KCNT2: variants seen among roughly 807,000 people sequenced by gnomAD.
KCNT2 encodes the protein potassium sodium-activated channel subfamily T member 2.
In KCNT2, 67 loss-of-function variants were observed where a neutral mutation model predicts 153.8. The ratio of observed to expected loss-of-function variants is 0.44; its 90% CI spans 0.36 to 0.53. KCNT2 has a LOEUF of 0.53. Among genes scored for constraint, KCNT2 ranks in the 20% least tolerant of loss-of-function variants. The pLI is 0.00. For synonymous variants in KCNT2, 500 were observed against 458.8 expected (o/e 1.09, Z -1.15); for missense variants, 975 against 1,354.8 (o/e 0.72, Z 4.40).
intron 1 of KCNT2, among the ~76,000 whole-genome samples, chr1:196,572,887 T>C (rs1289918442): frequency 1.3e-5 from 2 of 152,044 alleles, no homozygotes; most frequent in Non-Finnish European, 2.9e-5. Flanking sequence ...TACCTGCTTC[T>C]CAGAAAACTT....
chr1:196,453,670 A>ATGCCACATCC (rs1676409066), intron 8 of KCNT2, among the ~76,000 whole-genome samples: 1 of 151,930 alleles, frequency 6.6e-6, no homozygotes, highest in Admixed American at 6.6e-5. Context: ...TGCCACATCC[A>ATGCCACATCC]ATGGGGGGAT....
At chr1:196,242,067 T>TAC (rs2102261738) in intron 26 of KCNT2, among the ~76,000 whole-genome samples, 1 of 152,242 alleles carries the variant, frequency 6.6e-6, no homozygotes, top group East Asian at 1.9e-4. Flanking sequence ...TCCCTTACCC[T>TAC]ACCACAATCT....
In KCNT2 at chr1:196,431,646, G is replaced by A. The variant is rs972447048; in HGVS notation, c.639-1889C>T. Among the ~76,000 whole-genome samples, 4 of 152,198 alleles carry A rather than the reference G, an allele frequency of 2.6e-5. No individual in the cohort carries two copies. In the South Asian group the frequency reaches 6.2e-4, roughly 24 times the overall value. On this transcript the variant is annotated intron_variant, in intron 8 of 27. Transcript: ENST00000294725. The stretch of plus-strand genomic sequence containing the variant: ...GTGGAAGGCACAATTTAAAGGTGGT[G>A]AACTAGAATACGTAGCAGAAGAAAT...
rs1344375356 is a variant in KCNT2 at position 196,227,791 on chromosome 1, A to G, written c.*433T>C. 6.5e-6 allele frequency: 1 copy of G among 153,126 alleles called. No individual in the cohort carries two copies. The highest frequency in any genetic ancestry group is 1.5e-5 in the Non-Finnish European group (1 of 68,388). 9.5% of individuals were successfully genotyped at this position (153,126 alleles called of 1,614,324 possible). A position where few individuals can be genotyped will look rare whatever the true frequency, so the allele number is the denominator to read the frequency against. ...AGACTAGACATTTACGATGAGCTCA[A>G]TTTTGTAAAACAGTAAGTTTAAAGA... is the stretch of plus-strand genomic sequence containing the variant. On this transcript the variant is annotated 3_prime_UTR_variant, in exon 28 of 28. Coordinates refer to ENST00000294725, the MANE Select transcript of KCNT2 (RefSeq NM_198503.5).
At chr1:196,377,258 G>A (rs1669048690) in intron 13 of KCNT2, among the ~76,000 whole-genome samples, 1 of 151,936 alleles carries the variant, frequency 6.6e-6, no homozygotes, top group Non-Finnish European at 1.5e-5. Flanking sequence ...TCATCAGATA[G>A]TATGACCAAG....
At chr1:196,235,928 A>G (rs1408555180) in intron 27 of KCNT2, 58 bp downstream of exon 27, 2 of 1,082,318 alleles carry the variant, frequency 1.8e-6, no homozygotes, top group Non-Finnish European at 2.8e-6. Flanking sequence ...ATAAGTACAA[A>G]AATAAATAGT....
In KCNT2 at chr1:196,347,482, C is replaced by T. The variant is rs370771030; in HGVS notation, c.1404-5254G>A. ...CCTTCCTCCATCATCAATTCTTACACCTTTAAAACAGTCCTAACTCACTTC... is the reference window on the plus strand; with the variant it reads ...CCTTCCTCCATCATCAATTCTTACATCTTTAAAACAGTCCTAACTCACTTC... On this transcript the variant is annotated intron_variant, in intron 14 of 27. Transcript: ENST00000294725. Among the ~76,000 whole-genome samples, 10 of 152,300 alleles carry T rather than the reference C, an allele frequency of 6.6e-5. No homozygotes were observed. The East Asian group carries it at 9.7e-4, about 15-fold the overall frequency.
chr1:196,408,493 C>T (rs1432842509), intron 12 of KCNT2, among the ~76,000 whole-genome samples: 1 of 151,596 alleles, frequency 6.6e-6, no homozygotes, highest in Admixed American at 6.6e-5. Context: ...ATTATTGTCT[C>T]CAATTCCTCT....
At chr1:196,473,889 A>C (rs1485862343) in intron 5 of KCNT2, among the ~76,000 whole-genome samples, 1 of 152,156 alleles carries the variant, frequency 6.6e-6, no homozygotes, top group Non-Finnish European at 1.5e-5. Context: ...AAAGGCAAGC[A>C]CAATGCCTTT....
rs567912841 is a variant in KCNT2 at position 196,530,381 on chromosome 1, C to A, written c.96-38040G>T. Among the ~76,000 whole-genome samples the A allele has an allele frequency of 4.0e-5, 6 of 151,744 alleles. No individual in the cohort carries two copies. In the East Asian group the frequency reaches 1.2e-3, roughly 29 times the overall value. On this transcript the variant is annotated intron_variant, in intron 1 of 27. Transcript: ENST00000294725. ...TAGTTAAATATTTTAACTAACTGTT[C>A]AGTAAAAGACATTTAGTTAAATATT...
At chr1:196,533,890 G>A (rs1303133053) in intron 1 of KCNT2, among the ~76,000 whole-genome samples, 1 of 152,154 alleles carries the variant, frequency 6.6e-6, no homozygotes, top group African/African-American at 2.4e-5. Flanking sequence ...GGTATGTTGA[G>A]TGGGTGATAG....
intron 8 of KCNT2, among the ~76,000 whole-genome samples, chr1:196,463,932 T>C (rs1485455206): frequency 6.6e-6 from 1 of 151,860 alleles, no homozygotes; most frequent in African/African-American, 2.4e-5. Flanking sequence ...GTGTCCTTTT[T>C]CTCACACTAA....
At chr1:196,383,389 G>A (rs1452489393) in intron 13 of KCNT2, among the ~76,000 whole-genome samples, 2 of 152,060 alleles carry the variant, frequency 1.3e-5, no homozygotes, top group Non-Finnish European at 2.9e-5. Context: ...ATGTCAAATC[G>A]CTATCAAAAT....
chr1:196,444,797 C>G (rs968341317), intron 8 of KCNT2, among the ~76,000 whole-genome samples: 4 of 151,402 alleles, frequency 2.6e-5, no homozygotes, highest in African/African-American at 9.6e-5. Context: ...TGTTTGAGGT[C>G]ATCAGTAAAT....
intron 14 of KCNT2, among the ~76,000 whole-genome samples, chr1:196,352,411 A>G (rs1363384931): frequency 1.3e-5 from 2 of 151,864 alleles, no homozygotes; most frequent in African/African-American, 4.8e-5. Flanking sequence ...CAGAGATTCA[A>G]CTTCTTCCTG....
At chr1:196,552,684 T>G (rs1658072810) in intron 1 of KCNT2, among the ~76,000 whole-genome samples, 1 of 151,486 alleles carries the variant, frequency 6.6e-6, no homozygotes, top group Admixed American at 6.6e-5. Context: ...GACTAATTGA[T>G]GAACCAATCA....
At chr1:196,384,867 A>G (rs1002499590) in intron 13 of KCNT2, among the ~76,000 whole-genome samples, 1 of 152,118 alleles carries the variant, frequency 6.6e-6, no homozygotes, top group Non-Finnish European at 1.5e-5. Context: ...ATCTTTTAGA[A>G]GTCTCGCATA....
rs538439492 is a variant in KCNT2, at chr1:196,236,032, G to A, written c.3250C>T (p.Leu1084=). The change falls in exon 27 of 28, where the codon CTG becomes TTG. Residue 1084 remains leucine, a synonymous_variant. Coordinates refer to ENST00000294725, the MANE Select transcript of KCNT2 (RefSeq NM_198503.5). ...CTGGTATCTGGAGATGGGTTAATCA[G>A]GATGTAGGAGAGGGTACTTTGATGA... ...NDHQSTLSYI[L]INPSPDTRIE... is the part of the protein sequence containing the mutation. 1.5e-4 allele frequency: 247 copies of A among 1,603,966 alleles called. 1 individual carries two copies. In the South Asian group the frequency reaches 2.5e-3, roughly 16 times the overall value.
At chr1:196,265,042 G>T (rs1657403001) in intron 25 of KCNT2, among the ~76,000 whole-genome samples, 1 of 152,152 alleles carries the variant, frequency 6.6e-6, no homozygotes, top group Non-Finnish European at 1.5e-5. Flanking sequence ...TCCATGGAAA[G>T]CCTCATTATA....
Sources: gnomAD v4.1 joint callset for allele counts (sites outside exome capture counted in the v4.1 genomes callset) on GRCh38, gnomAD v4.1.1 for gene constraint, MANE v1.5 for transcripts, NCBI Gene and HGNC (gene_info 2026-07-23, HGNC 2026-07-21) for gene names.